The following HTRA1 variants were observed in gnomAD, a reference collection of about 807,000 sequenced individuals.
The protein encoded by HTRA1 is serine protease HTRA1.
Under a neutral mutation model 49.7 loss-of-function variants are expected in HTRA1, and 26 were observed. The ratio of observed to expected loss-of-function variants is 0.52; its 90% CI spans 0.38 to 0.73. The LOEUF (loss-of-function observed/expected upper bound fraction) is 0.73, where lower values mean the gene tolerates loss of function less well. HTRA1 is among the 30% of genes least tolerant of loss of function. The pLI is 0.00. For missense variants in HTRA1, 561 were observed against 667.2 expected, an observed-to-expected ratio of 0.84 and a Z score of 1.75; for synonymous variants, 291 against 286.9, an observed-to-expected ratio of 1.01 and a Z score of -0.14.
At chr10:122,471,593 A>T (rs1368218333) in intron 1 of HTRA1, among the ~76,000 whole-genome samples, 1 of 152,228 alleles carries the variant, frequency 6.6e-6, no homozygotes, top group African/African-American at 2.4e-5. Flanking sequence ...AGAATCCCAG[A>T]GTATGAAACC....
intron 1 of HTRA1, among the ~76,000 whole-genome samples, chr10:122,486,612 T>C (rs1424893446): frequency 1.3e-5 from 2 of 152,102 alleles, no homozygotes; most frequent in East Asian, 1.9e-4. Flanking sequence ...CGTGACCCAG[T>C]GCAGCAGGGA....
At chr10:122,463,124 T>C (rs1002824642) in intron 1 of HTRA1, among the ~76,000 whole-genome samples, 2 of 152,270 alleles carry the variant, frequency 1.3e-5, no homozygotes, top group African/African-American at 4.8e-5. Flanking sequence ...ACCCCAGTGC[T>C]GCCTCCTCAA....
At chr10:122,477,881 G>T (rs750983907) in intron 1 of HTRA1, among the ~76,000 whole-genome samples, 2 of 146,612 alleles carry the variant, frequency 1.4e-5, no homozygotes, top group Non-Finnish European at 3.0e-5. Context: ...GCCTTTGAAA[G>T]AACTTTTATT....
intron 5 of HTRA1, among the ~76,000 whole-genome samples, chr10:122,507,987 T>C (rs559791883): frequency 7.7e-4 from 116 of 150,442 alleles, no homozygotes; most frequent in African/African-American, 2.8e-3. Context: ...AGGGCAGCTC[T>C]GGGGCCATTT....
rs1253739708 is a variant in HTRA1, at chr10:122,508,753, A to G, written c.1103A>G (p.His368Arg). 2.5e-6 allele frequency: 4 copies of G among 1,611,018 alleles called. No individual in the cohort carries two copies. Among genetic ancestry groups the G allele is most frequent in the South Asian group, 2.2e-5 (2 of 91,018 alleles). The stretch of plus-strand genomic sequence containing the variant: ...ATTAAAAAGTTCCTCACGGAGTCCC[A>G]TGACCGACAGGCCAAAGGTAGGCAA... The part of the protein sequence containing the change: ...DKIKKFLTES[H>R]DRQAKGKAIT... Residue 368 changes from histidine (H) to arginine (R), a missense_variant, in exon 6 of 9, where the codon CAT (histidine) becomes CGT (arginine). Physicochemically the swap from His to Arg is conservative, Grantham distance 29. Coordinates refer to ENST00000368984, the MANE Select transcript of HTRA1 (RefSeq NM_002775.5).
Position 122,461,587 on chromosome 10 carries a change from T to C in HTRA1, c.-66T>C, listed in dbSNP as rs1183963730. 1.9e-6 allele frequency: 2 copies of C among 1,067,376 alleles called. No homozygotes were observed. The highest frequency in any genetic ancestry group is 3.0e-5 in the Admixed American group (1 of 33,290). 66.1% of individuals were successfully genotyped at this position (1,067,376 alleles called of 1,614,324 possible). Reference sequence around the variant, plus strand: ...CGCTGCCCCCGAGGCCCTCCTGCACTCTCCCCGGCGCCGCTCTCCGGCCCT... The same window carrying C: ...CGCTGCCCCCGAGGCCCTCCTGCACCCTCCCCGGCGCCGCTCTCCGGCCCT... On this transcript the variant is annotated 5_prime_UTR_variant, in exon 1 of 9. Transcript: ENST00000368984.
chr10:122,506,864 C>T lies in HTRA1; in HGVS notation c.951C>T (p.Ile317=). 6.2e-7 allele frequency: 1 copy of T among 1,613,672 alleles called. No individual in the cohort carries two copies. The highest frequency in any genetic ancestry group is 8.5e-7 in the Non-Finnish European group (1 of 1,180,002). ...LGLRNSDMDY[I]QTDAIINYGN... is the part of the protein sequence containing the mutation. ...TCCGCAACTCAGACATGGACTACAT[C>T]CAGACCGACGCCATCATCAACGTGA... Residue 317 remains isoleucine (I), a synonymous_variant, in exon 4 of 9, where the codon ATC becomes ATT. Transcript: ENST00000368984. The surrounding 1 kb of genome is among the most constrained non-coding windows in gnomAD (Gnocchi z 5.2).
rs1215888149 is a variant in HTRA1 at position 122,487,472 on chromosome 10, G to C, written c.473-1430G>C. ...TTTCTGAATCAGTTACCTTGGGTAT[G>C]TGCCTCTGGTTGATGGAAACTAACT... is the stretch of plus-strand genomic sequence containing the variant. On this transcript the variant is annotated intron_variant, in intron 1 of 8. Transcript: ENST00000368984. This position sits in a 1 kb window ranked among gnomAD's most constrained non-coding sequence, Gnocchi z 4.8. Among the ~76,000 whole-genome samples, 1 of 152,222 alleles carries C rather than the reference G, an allele frequency of 6.6e-6. No homozygotes were observed. The highest frequency in any genetic ancestry group is 1.9e-4 in the East Asian group (1 of 5,188).
At chr10:122,498,984 T>A (rs543441592) in intron 3 of HTRA1, among the ~76,000 whole-genome samples, 1 of 152,158 alleles carries the variant, frequency 6.6e-6, no homozygotes, top group Admixed American at 6.5e-5. Context: ...GGAAAGGATG[T>A]AGGCACAGGG....
chr10:122,493,354 C>T (rs907089163), intron 3 of HTRA1, among the ~76,000 whole-genome samples: 5 of 152,184 alleles, frequency 3.3e-5, no homozygotes, highest in Non-Finnish European at 7.3e-5. Flanking sequence ...GGACAGTGTG[C>T]GTGTAAACAT....
Position 122,494,764 on chromosome 10 carries a change from C to T in HTRA1, c.777+5138C>T, listed in dbSNP as rs1470987354. Among the ~76,000 whole-genome samples the T allele has an allele frequency of 6.6e-6, 1 of 152,176 alleles. No homozygotes were observed. The highest frequency in any genetic ancestry group is 2.4e-5 in the African/African-American group (1 of 41,442). ...GCTGTGTTTGCAGAGGGTCCTCTTA[C>T]TGCTGAGCTGGCTGGTGCAGTGAGA... On this transcript the variant is annotated intron_variant, in intron 3 of 8. Coordinates refer to ENST00000368984, the MANE Select transcript of HTRA1 (RefSeq NM_002775.5). This position sits in a 1 kb window ranked among gnomAD's most constrained non-coding sequence, Gnocchi z 4.0.
intron 6 of HTRA1, 71 bp from the exon 7 acceptor site, chr10:122,510,025 C>T (rs769243775): frequency 7.3e-7 from 1 of 1,370,600 alleles, no homozygotes; most frequent in African/African-American, 1.4e-5. Context: ...GATTGGGCCC[C>T]CGGCCCCTGG....
chr10:122,513,321 A>G (rs2097506459), intron 8 of HTRA1, among the ~76,000 whole-genome samples: 1 of 152,252 alleles, frequency 6.6e-6, no homozygotes, highest in East Asian at 1.9e-4. Flanking sequence ...ATTATAAGCA[A>G]GTTGGCCAGA....
At chr10:122,504,279 G>A (rs914310998) in intron 3 of HTRA1, among the ~76,000 whole-genome samples, 1 of 152,228 alleles carries the variant, frequency 6.6e-6, no homozygotes, top group Admixed American at 6.5e-5. Context: ...GAGCTGGAAG[G>A]AGAGTTGCCT....
chr10:122,494,688 C>T lies in HTRA1; in HGVS notation c.777+5062C>T, dbSNP rs2097497763. Among the ~76,000 whole-genome samples, 1 of 152,196 alleles carries T rather than the reference C, an allele frequency of 6.6e-6. No individual in the cohort carries two copies. Among genetic ancestry groups the T allele is most frequent in the South Asian group, 2.1e-4 (1 of 4,830 alleles). On this transcript the variant is annotated intron_variant, in intron 3 of 8. Transcript: ENST00000368984. The surrounding 1 kb of genome is among the most constrained non-coding windows in gnomAD (Gnocchi z 4.0). ...GGCCACCTTTGGGCCAGATGGCACC[C>T]ACAGACCTGTTTGAAGTGGCCACAG...
At chr10:122,477,953 C>T (rs577858849) in intron 1 of HTRA1, among the ~76,000 whole-genome samples, 4 of 152,262 alleles carry the variant, frequency 2.6e-5, no homozygotes, top group African/African-American at 7.2e-5. Context: ...ACAGGGGAGG[C>T]GGATAAGCTG....
At chr10:122,482,795 G>A (rs1339307606) in intron 1 of HTRA1, among the ~76,000 whole-genome samples, 1 of 151,660 alleles carries the variant, frequency 6.6e-6, no homozygotes, top group Non-Finnish European at 1.5e-5. Flanking sequence ...GCATGTGCCT[G>A]TAATCCCAGC....
At chr10:122,462,323 G>T (rs1171741055) in intron 1 of HTRA1, among the ~76,000 whole-genome samples, 199 bp downstream of exon 1, 2 of 152,252 alleles carry the variant, frequency 1.3e-5, no homozygotes, top group African/African-American at 4.8e-5. Context: ...CCAGCCCGGG[G>T]CCGGTTCTGC....
rs1390323658 is a variant in HTRA1, at chr10:122,465,116, T to G, written c.472+2992T>G. 2.6e-5 allele frequency among the ~76,000 whole-genome samples: 4 copies of G among 152,122 alleles called. No homozygotes were observed. In the East Asian group the frequency reaches 5.8e-4, roughly 22 times the overall value. ...ATGTCACCATTCAAAGGAAAGCACT[T>G]TCATCTGTAAGCTGTTTATTGAATA... On this transcript the variant is annotated intron_variant, in intron 1 of 8. Coordinates refer to ENST00000368984, the MANE Select transcript of HTRA1 (RefSeq NM_002775.5).
Sources: gnomAD v4.1 joint callset for allele counts (sites outside exome capture counted in the v4.1 genomes callset) on GRCh38, gnomAD v4.1.1 for gene constraint, Gnocchi (gnomAD v3.1) non-coding constraint, MANE v1.5 for transcripts, NCBI Gene and HGNC (gene_info 2026-07-23, HGNC 2026-07-21) for gene names.